Variants in DNAH7 observed in about 807,000 individuals in gnomAD.
DNAH7 encodes the protein dynein axonemal heavy chain 7, also known as axonemal beta dynein heavy chain 7.
Under a neutral mutation model 444.6 loss-of-function variants are expected in DNAH7, and 397 were observed. The observed-to-expected ratio is 0.89, with a 90% CI of 0.82 to 0.97. The LOEUF (loss-of-function observed/expected upper bound fraction) is 0.97, where lower values mean the gene tolerates loss of function less well. Among genes scored for constraint, DNAH7 ranks in the 50% least tolerant of loss-of-function variants. The probability of loss-of-function intolerance (pLI) is 0.00; values close to 1 mark genes in which losing one functional copy is unlikely to be tolerated. For missense variants in DNAH7, 4,902 were observed against 4,800.8 expected, an observed-to-expected ratio of 1.02 and a Z score of -0.62; for synonymous variants, 1,636 against 1,624.4, an observed-to-expected ratio of 1.01 and a Z score of -0.17.
At chr2:195,816,197 C>T (rs1697211296) in intron 51 of DNAH7, among the ~76,000 whole-genome samples, 1 of 151,930 alleles carries the variant, frequency 6.6e-6, no homozygotes, top group South Asian at 2.1e-4. Context: ...CACAAATAAT[C>T]GCAACAAGGC....
At chr2:195,814,810 G>A (rs979412246) in intron 51 of DNAH7, among the ~76,000 whole-genome samples, 3 of 151,606 alleles carry the variant, frequency 2.0e-5, no homozygotes, top group Non-Finnish European at 2.9e-5. Flanking sequence ...GCACAATCAC[G>A]ACTCACTGCG....
At chr2:195,786,915 G>T in intron 58 of DNAH7, 95 bp downstream of exon 58, 1 of 1,285,582 alleles carries the variant, frequency 7.8e-7, no homozygotes, top group Non-Finnish European at 1.1e-6. Flanking sequence ...TTTCATAAGA[G>T]TAGAAATTAA....
chr2:195,877,384 T>C (rs1701123877), intron 36 of DNAH7, among the ~76,000 whole-genome samples: 1 of 152,200 alleles, frequency 6.6e-6, no homozygotes. Flanking sequence ...CATGCACATA[T>C]GAATAAAGGA....
intron 47 of DNAH7, among the ~76,000 whole-genome samples, chr2:195,842,191 G>A (rs1438200812): frequency 6.6e-6 from 1 of 151,944 alleles, no homozygotes; most frequent in Non-Finnish European, 1.5e-5. Context: ...TCCTTTACCC[G>A]TGAAATGTTC....
At chr2:195,940,737 A>T (rs1327670800) in intron 19 of DNAH7, among the ~76,000 whole-genome samples, 1 of 152,178 alleles carries the variant, frequency 6.6e-6, no homozygotes, top group Non-Finnish European at 1.5e-5. Flanking sequence ...TTCTCAAAAG[A>T]AGACATTTAT....
rs193129200 is a variant in DNAH7 at position 195,876,532 on chromosome 2, A to C, written c.6117+12T>G. The C allele has an allele frequency of 3.3e-4, 527 of 1,613,098 alleles. 2 individuals carry two copies. The African/African-American group carries it at 6.5e-3, about 20-fold the overall frequency. ...TATGAATAGGCCCGGGTACTGTACA[A>C]AGAGTCATTACCATTCTCTTGCCCA... On this transcript the variant is annotated intron_variant, in intron 37 of 64. Coordinates refer to ENST00000312428, the MANE Select transcript of DNAH7 (RefSeq NM_018897.3).
intron 5 of DNAH7, among the ~76,000 whole-genome samples, chr2:196,038,300 T>C (rs1696521250): frequency 1.3e-5 from 2 of 151,980 alleles, no homozygotes; most frequent in Admixed American, 6.6e-5. Flanking sequence ...ATATCCACCA[T>C]CATGAAAACA....
At chr2:195,847,513 G>A (rs1052134294) in intron 46 of DNAH7, among the ~76,000 whole-genome samples, 2 of 151,602 alleles carry the variant, frequency 1.3e-5, no homozygotes, top group Admixed American at 6.6e-5. Flanking sequence ...TGGGAGGAGG[G>A]TGAAGACTGA....
At chr2:195,858,904 A>AT in intron 42 of DNAH7, 100 bp from the exon 43 acceptor site, 1 of 963,274 alleles carries the variant, frequency 1.0e-6, no homozygotes, top group Middle Eastern at 2.3e-4. Context: ...TTTTCAAGAC[A>AT]TAACTACGGA....
At chr2:195,933,906 T>A (rs1285442883) in intron 21 of DNAH7, among the ~76,000 whole-genome samples, 2 of 151,834 alleles carry the variant, frequency 1.3e-5, no homozygotes, top group Admixed American at 6.6e-5. Flanking sequence ...TAGTAACAAA[T>A]AAAAAATAAA....
chr2:195,864,522 T>C lies in DNAH7; in HGVS notation c.7133A>G (p.Glu2378Gly), dbSNP rs1413646326. 1.9e-6 allele frequency: 3 copies of C among 1,614,090 alleles called. No homozygotes were observed. In the African/African-American group the frequency reaches 4.0e-5, roughly 22 times the overall value. ...TTTCCTTAAGATCACTTTTAAATCT[T>C]CATGCCATTCAGTAGTATCATACCC... ...SKGYDTTEWH[E>G]DLKVILRKCA... The change falls in exon 41 of 65, where the codon GAA becomes GGA. Residue 2378 changes from glutamate (E) to glycine (G), a missense_variant. Physicochemically the swap from Glu to Gly is moderately conservative, Grantham distance 98. Coordinates refer to ENST00000312428, the MANE Select transcript of DNAH7 (RefSeq NM_018897.3).
intron 27 of DNAH7, chr2:195,903,519 T>C (rs1475988199): frequency 6.6e-6 from 1 of 152,184 alleles, no homozygotes; most frequent in Non-Finnish European, 1.5e-5. Flanking sequence ...AAATGATCAT[T>C]GACTACTGAT....
chr2:195,888,205 CTAATT>C, intron 33 of DNAH7, 48 bp downstream of exon 33: 1 of 1,430,586 alleles, frequency 7.0e-7, no homozygotes, highest in East Asian at 2.4e-5. Flanking sequence ...ATATGTAAGT[CTAATT>C]TGAGTTTTCC....
At chr2:195,835,678 T>C (rs1466012102) in intron 47 of DNAH7, among the ~76,000 whole-genome samples, 4 of 151,984 alleles carry the variant, frequency 2.6e-5, no homozygotes, top group Admixed American at 2.6e-4. Flanking sequence ...ACTCCGTCTC[T>C]ACTAAAAATA....
chr2:195,771,368 A>C (rs1694831672), intron 61 of DNAH7, among the ~76,000 whole-genome samples: 1 of 151,876 alleles, frequency 6.6e-6, no homozygotes, highest in African/African-American at 2.4e-5. Flanking sequence ...AAATGAAAAA[A>C]TGTGCTTTAT....
At chr2:195,840,277 G>A (rs908903208) in intron 47 of DNAH7, among the ~76,000 whole-genome samples, 3 of 151,480 alleles carry the variant, frequency 2.0e-5, no homozygotes, top group Admixed American at 6.6e-5. Flanking sequence ...CTCAATAGAC[G>A]CAGAAAAAAC....
chr2:195,931,555 G>C (rs1347437820), intron 21 of DNAH7, among the ~76,000 whole-genome samples: 7 of 151,436 alleles, frequency 4.6e-5, no homozygotes, highest in African/African-American at 1.2e-4. Context: ...TATGGTTTTA[G>C]GTCTAACATT....
At chr2:195,739,961 T>C (rs1401294199) in intron 64 of DNAH7, among the ~76,000 whole-genome samples, 1 of 152,144 alleles carries the variant, frequency 6.6e-6, no homozygotes, top group East Asian at 1.9e-4. Flanking sequence ...ATGACCCCCA[T>C]GTGTAACACA....
intron 19 of DNAH7, among the ~76,000 whole-genome samples, chr2:195,938,078 A>G (rs1689172309): frequency 6.6e-6 from 1 of 152,160 alleles, no homozygotes; most frequent in African/African-American, 2.4e-5. Context: ...ATTTTATTCA[A>G]TTGCAGGAGT....
Sources: allele counts gnomAD v4.1 joint callset (sites outside exome capture counted in the v4.1 genomes callset), GRCh38; gene constraint gnomAD v4.1.1; transcripts MANE v1.5; gene names NCBI Gene and HGNC (gene_info 2026-07-23, HGNC 2026-07-21).